KCNT1: variants seen among roughly 807,000 people sequenced by gnomAD.
The protein encoded by KCNT1 is potassium sodium-activated channel subfamily T member 1.
KCNT1 carries 78 observed loss-of-function variants against 147.8 expected under a neutral mutation model. The ratio of observed to expected loss-of-function variants is 0.53; its 90% CI spans 0.44 to 0.64. KCNT1 has a LOEUF of 0.64. KCNT1 is among the 30% of genes least tolerant of loss of function. KCNT1 has a pLI of 0.00. For missense variants in KCNT1, 1,419 were observed against 1,750.3 expected, an observed-to-expected ratio of 0.81 and a Z score of 3.38; for synonymous variants, 867 against 748.8, an observed-to-expected ratio of 1.16 and a Z score of -2.58.
chr9:135,744,238 G>T (rs1439772701), intron 2 of KCNT1, among the ~76,000 whole-genome samples: 1 of 152,268 alleles, frequency 6.6e-6, no homozygotes, highest in East Asian at 1.9e-4. Context: ...CCTGCAGCTG[G>T]CCTGCCGGTC....
In KCNT1 at chr9:135,770,356, G is replaced by A. The variant is rs765969410; in HGVS notation, c.1678G>A (p.Glu560Lys). 5.6e-6 allele frequency: 9 copies of A among 1,613,014 alleles called. 1 individual carries two copies. The East Asian group carries it at 6.7e-5, about 12-fold the overall frequency. The change falls in exon 17 of 31, where the codon GAG (glutamate) becomes AAG (lysine). Residue 560 changes from glutamate to lysine, a missense_variant. By Grantham distance (56) the Glu-to-Lys change is moderately conservative. This residue lies in a region of KCNT1 where 284 missense variants were observed against 292.8 expected (regional missense o/e 0.97). Transcript: ENST00000371757. ...CATGTATGGGCGCTGCTCCGGCAACGAGGTGTACCACATCCGCATGGGTGA... is the reference window on the plus strand; with the variant it reads ...CATGTATGGGCGCTGCTCCGGCAACAAGGTGTACCACATCCGCATGGGTGA... ...QRMYGRCSGN[E>K]VYHIRMGDSK... is the part of the protein sequence containing the mutation.
rs1554775088 is a variant in KCNT1 at position 135,770,968 on chromosome 9, C to T, written c.1881C>T (p.Ile627=). 1 of 1,614,010 alleles carries T rather than the reference C, an allele frequency of 6.2e-7. No individual in the cohort carries two copies. The highest frequency in any genetic ancestry group is 8.5e-7 in the Non-Finnish European group (1 of 1,179,950). Residue 627 remains isoleucine (I), a synonymous_variant, in exon 18 of 31, where the codon ATC becomes ATT. Transcript: ENST00000371757. ...AASDTCFYIN[I]TKEENSAFIF... ...CTGACACCTGCTTCTACATCAACAT[C>T]ACCAAGGAGGAGAACTCGGCCTTCA...
In KCNT1 at chr9:135,750,116, C is replaced by T. The variant is rs770619151; in HGVS notation, c.273C>T (p.Tyr91=). 115 of 1,613,652 alleles carry T rather than the reference C, an allele frequency of 7.1e-5. No homozygotes were observed. The highest frequency in any genetic ancestry group is 8.6e-5 in the Non-Finnish European group (102 of 1,179,852). ...QNDDRVQVEF[Y]VNENTFKERL... ...TCTTCAGGGTCCAGGTGGAGTTCTA[C>T]GTCAACGAGAACACCTTCAAGGAGC... is the stretch of plus-strand genomic sequence containing the variant. The change falls in exon 3 of 31, where the codon TAC becomes TAT. Residue 91 remains tyrosine (Y), a synonymous_variant. Coordinates refer to ENST00000371757, the MANE Select transcript of KCNT1 (RefSeq NM_020822.3).
chr9:135,789,870 TCAC>T (rs1267448678), intron 29 of KCNT1: 1 of 152,348 alleles, frequency 6.6e-6, no homozygotes, highest in Non-Finnish European at 1.5e-5. Flanking sequence ...CTGCCAGCCT[TCAC>T]CAAGCACCGT....
Position 135,784,094 on chromosome 9 carries a change from G to A in KCNT1, c.2912G>A (p.Ser971Asn), listed in dbSNP as rs1279003717. 1.9e-6 allele frequency: 3 copies of A among 1,605,402 alleles called. No homozygotes were observed. Among genetic ancestry groups the A allele is most frequent in the Middle Eastern group, 1.6e-4 (1 of 6,062 alleles). The change falls in exon 25 of 31, where the codon AGC becomes AAC. Residue 971 changes from serine to asparagine, a missense_variant. By Grantham distance (46) the Ser-to-Asn change is conservative. This residue lies in a region of KCNT1 where 247 missense variants were observed against 397.1 expected (regional missense o/e 0.62). Coordinates refer to ENST00000371757, the MANE Select transcript of KCNT1 (RefSeq NM_020822.3). Reference sequence around the variant, plus strand: ...CCGTTCGCCGCCGGCCGCGTCTTCAGCATCAGCATGTTGGACACACTGCTC... The same window carrying A: ...CCGTTCGCCGCCGGCCGCGTCTTCAACATCAGCATGTTGGACACACTGCTC... ...RLPFAAGRVF[S>N]ISMLDTLLYQ...
At chr9:135,705,227 C>G (rs764977925) in intron 1 of KCNT1, among the ~76,000 whole-genome samples, 35 of 152,184 alleles carry the variant, frequency 2.3e-4, no homozygotes, top group Admixed American at 1.9e-3. Context: ...GCTTTTTGTC[C>G]TGCTTCCCCG....
chr9:135,794,058 C>G lies in KCNT1; in HGVS notation c.*1897C>G, dbSNP rs1408611506. The G allele has an allele frequency of 6.6e-6, 1 of 152,394 alleles. No homozygotes were observed. Among genetic ancestry groups the G allele is most frequent in the Non-Finnish European group, 1.5e-5 (1 of 68,170 alleles). 9.4% of individuals were successfully genotyped at this position (152,394 alleles called of 1,614,324 possible). A position where few individuals can be genotyped will look rare whatever the true frequency, so the allele number is the denominator to read the frequency against. On this transcript the variant is annotated 3_prime_UTR_variant, in exon 31 of 31. Transcript: ENST00000371757. The stretch of plus-strand genomic sequence containing the variant: ...CCCAGGCGAGGGGGGCTGCACAGCA[C>G]CTGCAGGGAGGAGAAGGGAGAGAAA...
intron 20 of KCNT1, among the ~76,000 whole-genome samples, chr9:135,776,818 C>T (rs1833206309): frequency 6.6e-6 from 1 of 152,254 alleles, no homozygotes; most frequent in African/African-American, 2.4e-5. Flanking sequence ...CTGGGTGCTT[C>T]TGACACGATC....
chr9:135,735,962 G>A (rs895503480), intron 2 of KCNT1, among the ~76,000 whole-genome samples: 1 of 152,254 alleles, frequency 6.6e-6, no homozygotes, highest in African/African-American at 2.4e-5. Context: ...GCCACATCAT[G>A]TGAGATGTGC....
At chr9:135,791,912 C>A (rs764354080) in intron 30 of KCNT1, 31 bp downstream of exon 30, 3 of 1,612,128 alleles carry the variant, frequency 1.9e-6, no homozygotes, top group Non-Finnish European at 2.5e-6. Flanking sequence ...GTGTGGAGAC[C>A]CCCCCTGAGC....
chr9:135,755,021 G>A lies in KCNT1; in HGVS notation c.492-100G>A, dbSNP rs1048810619. ...CAGCCCCAATGAGCAGCACATGCTT[G>A]GGGCCAGTGGAGGCCAATGGTTATG... On this transcript the variant is annotated intron_variant, in intron 5 of 30. Transcript: ENST00000371757. 8 of 1,063,186 alleles carry A rather than the reference G, an allele frequency of 7.5e-6. No individual in the cohort carries two copies. In the African/African-American group the frequency reaches 1.1e-4, roughly 15 times the overall value. 65.9% of individuals were successfully genotyped at this position (1,063,186 alleles called of 1,614,324 possible).
At chr9:135,720,736 C>T (rs1835892572) in intron 2 of KCNT1, among the ~76,000 whole-genome samples, 1 of 152,030 alleles carries the variant, frequency 6.6e-6, no homozygotes, top group Non-Finnish European at 1.5e-5. Flanking sequence ...AGCCCCAGCT[C>T]CCTGAAGGGC....
intron 1 of KCNT1, among the ~76,000 whole-genome samples, chr9:135,708,303 A>G (rs1215656954): frequency 2.0e-5 from 3 of 152,228 alleles, no homozygotes; most frequent in African/African-American, 4.8e-5. Context: ...ACATACATGC[A>G]TGCAATCCCA....
intron 28 of KCNT1, 93 bp from the exon 29 acceptor site, chr9:135,786,104 A>G: frequency 1.7e-6 from 2 of 1,160,934 alleles, no homozygotes; most frequent in Non-Finnish European, 1.2e-6. Flanking sequence ...CAAGCTGCAG[A>G]GCCCACACCT....
At chr9:135,774,237 G>A (rs11507047) in intron 19 of KCNT1, among the ~76,000 whole-genome samples, 5 of 148,744 alleles carry the variant, frequency 3.4e-5, no homozygotes, top group African/African-American at 1.0e-4. Context: ...GTTGTGTGTG[G>A]TGTGTGTCCG....
chr9:135,725,161 G>A (rs12683253), intron 2 of KCNT1, among the ~76,000 whole-genome samples: 21,425 of 152,156 alleles, frequency 0.14, 1,674 homozygotes, highest in South Asian at 0.18. Context: ...TCAGAAGGGC[G>A]GGGCCTGTCG....
chr9:135,775,455 G>A (rs368757388), intron 20 of KCNT1, 40 bp downstream of exon 20: 80 of 1,491,654 alleles, frequency 5.4e-5, no homozygotes, highest in Non-Finnish European at 6.8e-5. Context: ...ACCCCCAGAC[G>A]CCAGCACCGG....
chr9:135,704,448 G>C (rs1835166662), intron 1 of KCNT1, among the ~76,000 whole-genome samples: 1 of 152,202 alleles, frequency 6.6e-6, no homozygotes, highest in Admixed American at 6.5e-5. Context: ...CCAGTTTGCA[G>C]GGGTCTTCAC....
chr9:135,753,675 C>T (rs932604218), intron 4 of KCNT1: 6 of 565,618 alleles, frequency 1.1e-5, no homozygotes, highest in Non-Finnish European at 1.9e-5. Flanking sequence ...GTGGGATGTA[C>T]CCTCGCTGTC....
Sources: allele counts gnomAD v4.1 joint callset (sites outside exome capture counted in the v4.1 genomes callset), GRCh38; gene constraint gnomAD v4.1.1; regional missense constraint gnomAD v4.1.1; transcripts MANE v1.5; gene names NCBI Gene and HGNC (gene_info 2026-07-23, HGNC 2026-07-21).